Variants in TRIM35 observed in about 807,000 individuals in gnomAD.
The protein encoded by TRIM35 is tripartite motif containing 35, also known as E3 ubiquitin-protein ligase TRIM35.
TRIM35 carries 37 observed loss-of-function variants against 49.1 expected under a neutral mutation model. The observed-to-expected ratio is 0.75, with a 90% CI of 0.58 to 0.99. The LOEUF (loss-of-function observed/expected upper bound fraction) is 0.99, where lower values mean the gene tolerates loss of function less well. Among genes scored for constraint, TRIM35 ranks in the 50% least tolerant of loss-of-function variants. The probability of loss-of-function intolerance (pLI) is 0.00; values close to 1 mark genes in which losing one functional copy is unlikely to be tolerated. For missense variants in TRIM35, 648 were observed against 702.7 expected, an observed-to-expected ratio of 0.92 and a Z score of 0.88; for synonymous variants, 302 against 289.3, an observed-to-expected ratio of 1.04 and a Z score of -0.45.
At position 27,286,245 on chromosome 8, in the gene TRIM35, G is replaced by C; in HGVS notation, c.*1305C>G. On this transcript the variant is annotated 3_prime_UTR_variant, in exon 6 of 6. Transcript: ENST00000305364. ...CGAGAAAAAACAAGCCCAGGGAAAA[G>C]TCTGCAGGCATGGTGGAGGAAGAAA... The C allele has an allele frequency of 2.2e-6, 1 of 449,542 alleles. No homozygotes were observed. Among genetic ancestry groups the C allele is most frequent in the Non-Finnish European group, 4.5e-6 (1 of 223,058 alleles). The allele number at this position is 449,542 out of a possible 1,614,324, so 27.8% of individuals were successfully genotyped here.
intron 1 of TRIM35, among the ~76,000 whole-genome samples, chr8:27,299,634 G>T (rs996287210): frequency 6.6e-6 from 1 of 152,176 alleles, no homozygotes; most frequent in Non-Finnish European, 1.5e-5. Context: ...CCTGTGAGAT[G>T]AGAGTGTTTT....
chr8:27,296,731 C>T (rs903979976), intron 2 of TRIM35, among the ~76,000 whole-genome samples: 25 of 152,192 alleles, frequency 1.6e-4, no homozygotes, highest in Non-Finnish European at 3.2e-4. Context: ...CATGACTCCA[C>T]GATGACTACT....
At chr8:27,304,158 C>G (rs193161688) in intron 1 of TRIM35, among the ~76,000 whole-genome samples, 7 of 152,178 alleles carry the variant, frequency 4.6e-5, no homozygotes, top group Non-Finnish European at 7.4e-5. Context: ...TTTACAAAAT[C>G]ACGTTACCCA....
intron 1 of TRIM35, among the ~76,000 whole-genome samples, chr8:27,299,062 G>A (rs1432697949): frequency 6.6e-6 from 1 of 152,142 alleles, no homozygotes. Flanking sequence ...CCTCCCATGA[G>A]GCCTCACCTC....
rs1373335234 is a variant in TRIM35, at chr8:27,287,510, A to C, written c.*40T>G. 6.7e-7 allele frequency: 1 copy of C among 1,499,532 alleles called. No individual in the cohort carries two copies. The highest frequency in any genetic ancestry group is 2.3e-5 in the Admixed American group (1 of 44,256). The allele number at this position is 1,499,532 out of a possible 1,614,324, so 92.9% of individuals were successfully genotyped here. On this transcript the variant is annotated 3_prime_UTR_variant, in exon 6 of 6. Transcript: ENST00000305364. This position sits in a 1 kb window ranked among gnomAD's most constrained non-coding sequence, Gnocchi z 6.0. ...GCATTAGGAAGAGGGCAGAAAGAAA[A>C]CAGTGCTGTGGCACAAGACCGGGGC...
chr8:27,286,347 A>G lies in TRIM35; in HGVS notation c.*1203T>C. The G allele has an allele frequency of 2.8e-6, 1 of 361,284 alleles. No homozygotes were observed. Among genetic ancestry groups the G allele is most frequent in the Non-Finnish European group, 5.5e-6 (1 of 182,832 alleles). 22.4% of individuals were successfully genotyped at this position (361,284 alleles called of 1,614,324 possible). On this transcript the variant is annotated 3_prime_UTR_variant, in exon 6 of 6. Transcript: ENST00000305364. ...CAGAGACAAGAGGGCAGCGAGGCCC[A>G]GCCTCCTCTTCCCTCTCCCACAGCG...
Position 27,286,388 on chromosome 8 carries a change from A to G in TRIM35, c.*1162T>C, listed in dbSNP as rs1802319955. 1 of 331,524 alleles carries G rather than the reference A, an allele frequency of 3.0e-6. No individual in the cohort carries two copies. Among genetic ancestry groups the G allele is most frequent in the South Asian group, 2.4e-5 (1 of 41,736 alleles). 20.5% of individuals were successfully genotyped at this position (331,524 alleles called of 1,614,324 possible). A position where few individuals can be genotyped will look rare whatever the true frequency, so the allele number is the denominator to read the frequency against. On this transcript the variant is annotated 3_prime_UTR_variant, in exon 6 of 6. Coordinates refer to ENST00000305364, the MANE Select transcript of TRIM35 (RefSeq NM_171982.5). ...TCCCACAGCGTTTAGGGCCACGTCCATGGCGCCACCCCTCTCCTTTCTTCC... is the reference window on the plus strand; with the variant it reads ...TCCCACAGCGTTTAGGGCCACGTCCGTGGCGCCACCCCTCTCCTTTCTTCC...
At chr8:27,296,154 CTTT>C (rs563260897) in intron 2 of TRIM35, among the ~76,000 whole-genome samples, 10 of 129,396 alleles carry the variant, frequency 7.7e-5, no homozygotes, top group Admixed American at 7.8e-5. Flanking sequence ...GGGTGATTCT[CTTT>C]TTTTTTTTTT....
chr8:27,287,624 G>C lies in TRIM35; in HGVS notation c.1408C>G (p.Arg470Gly), dbSNP rs757138493. ...VRPYFYLGGA[R>G]GAGPPEPLRI... ...AAAGGCTCTGGAGGCCCGGCGCCCC[G>C]TGCACCCCCCAGGTAGAAGTAGGGG... is the stretch of plus-strand genomic sequence containing the variant. The change falls in exon 6 of 6, where the codon CGG becomes GGG. Residue 470 changes from arginine (R) to glycine (G), a missense_variant. Arg to Gly is a moderately radical substitution (Grantham distance 125). Transcript: ENST00000305364. The surrounding 1 kb of genome is among the most constrained non-coding windows in gnomAD (Gnocchi z 6.0). 4 of 1,607,684 alleles carry C rather than the reference G, an allele frequency of 2.5e-6. No homozygotes were observed. In the East Asian group the frequency reaches 8.9e-5, roughly 36 times the overall value.
chr8:27,311,260 C>T lies in TRIM35; in HGVS notation c.-25G>A, dbSNP rs1286482390. On this transcript the variant is annotated 5_prime_UTR_variant, in exon 1 of 6. Coordinates refer to ENST00000305364, the MANE Select transcript of TRIM35 (RefSeq NM_171982.5). The stretch of plus-strand genomic sequence containing the variant: ...TGGCACGAGCAGCCGGCTCGGGCGC[C>T]CGGAACTTTTGCTCCGGCCCCTCCC... 1 of 1,478,092 alleles carries T rather than the reference C, an allele frequency of 6.8e-7. No individual in the cohort carries two copies. Among genetic ancestry groups the T allele is most frequent in the Non-Finnish European group, 9.0e-7 (1 of 1,112,708 alleles). 91.6% of individuals were successfully genotyped at this position (1,478,092 alleles called of 1,614,324 possible). A position where few individuals can be genotyped will look rare whatever the true frequency, so the allele number is the denominator to read the frequency against.
chr8:27,290,148 C>T lies in TRIM35; in HGVS notation c.785+8G>A. On this transcript the variant is annotated splice_region_variant and intron_variant, in intron 4 of 5. Coordinates refer to ENST00000305364, the MANE Select transcript of TRIM35 (RefSeq NM_171982.5). Reference sequence around the variant, plus strand: ...TTCCCCTCCCCTCCACCAGCTTTGGCAACTTACCGGCGTTTTCGGCTCTTG... The same window carrying T: ...TTCCCCTCCCCTCCACCAGCTTTGGTAACTTACCGGCGTTTTCGGCTCTTG... 6.2e-7 allele frequency: 1 copy of T among 1,613,990 alleles called. No individual in the cohort carries two copies. The highest frequency in any genetic ancestry group is 1.1e-5 in the South Asian group (1 of 91,022).
Position 27,294,133 on chromosome 8 carries a change from CATGTG to C in TRIM35, c.704_708del (p.Ala235GlyfsTer71). ...ATCTCCATCTGCAGCCGCTCGATCTCATGTGCCAGCACCTCCGTCTCCTCTGTGAG... is the reference window on the plus strand; with the variant it reads ...ATCTCCATCTGCAGCCGCTCGATCTCCCAGCACCTCCGTCTCCTCTGTGAG... On this transcript the variant is annotated frameshift_variant, in exon 3 of 6. Transcript: ENST00000305364. LOFTEE classifies it high-confidence loss of function. 1 of 1,614,248 alleles carries C rather than the reference CATGTG, an allele frequency of 6.2e-7. No individual in the cohort carries two copies. The highest frequency in any genetic ancestry group is 8.5e-7 in the Non-Finnish European group (1 of 1,180,054).
At chr8:27,301,275 T>C (rs1230059600) in intron 1 of TRIM35, among the ~76,000 whole-genome samples, 1 of 152,222 alleles carries the variant, frequency 6.6e-6, no homozygotes, top group East Asian at 1.9e-4. Context: ...GTGAGTCCCA[T>C]TATACAGAGG....
Position 27,294,128 on chromosome 8 carries a change from G to A in TRIM35, c.714C>T (p.Ile238=), listed in dbSNP as rs144594991. The A allele has an allele frequency of 3.2e-4, 518 of 1,614,192 alleles. 1 individual carries two copies. In the African/African-American group the frequency reaches 5.9e-3, roughly 19 times the overall value. ...CCTTCATCTCCATCTGCAGCCGCTCGATCTCATGTGCCAGCACCTCCGTCT... is the reference window on the plus strand; with the variant it reads ...CCTTCATCTCCATCTGCAGCCGCTCAATCTCATGTGCCAGCACCTCCGTCT... ...TEETEVLAHE[I]ERLQMEMKED... Residue 238 remains isoleucine, a synonymous_variant, in exon 3 of 6, where the codon ATC becomes ATT. Transcript: ENST00000305364.
At position 27,302,975 on chromosome 8, in the gene TRIM35, T is replaced by C. The variant is rs183301417; in HGVS notation, c.436-4416A>G. Among the ~76,000 whole-genome samples the C allele has an allele frequency of 7.2e-5, 11 of 152,288 alleles. No individual in the cohort carries two copies. In the East Asian group the frequency reaches 1.7e-3, roughly 24 times the overall value. On this transcript the variant is annotated intron_variant, in intron 1 of 5. Transcript: ENST00000305364. ...CTATCCCACACAAAACTGAATAGAG[T>C]TGGTCATAATGCGCATTCCTGTCTT...
At chr8:27,296,572 T>C (rs1363250720) in intron 2 of TRIM35, among the ~76,000 whole-genome samples, 1 of 152,202 alleles carries the variant, frequency 6.6e-6, no homozygotes, top group Non-Finnish European at 1.5e-5. Context: ...AGCTCAGGAC[T>C]CCTACACTCC....
At position 27,287,703 on chromosome 8, in the gene TRIM35, G is replaced by A. The variant is rs140856872; in HGVS notation, c.1329C>T (p.Asp443=). The A allele has an allele frequency of 4.8e-5, 77 of 1,610,120 alleles. No homozygotes were observed. The highest frequency in any genetic ancestry group is 3.4e-4 in the East Asian group (15 of 44,720). ...ECEEGELSFY[D]AERHCHLYTF... ...TGTACAGGTGGCAGTGGCGCTCCGC[G>A]TCATAGAAAGACAGCTCGCCCTCCT... Residue 443 remains aspartate, a synonymous_variant, in exon 6 of 6, where the codon GAC becomes GAT. Transcript: ENST00000305364. The surrounding 1 kb of genome is among the most constrained non-coding windows in gnomAD (Gnocchi z 6.0).
Position 27,311,037 on chromosome 8 carries a change from C to T in TRIM35, c.199G>A (p.Ala67Thr). The T allele has an allele frequency of 6.2e-7, 1 of 1,602,070 alleles. No homozygotes were observed. Among genetic ancestry groups the T allele is most frequent in the South Asian group, 1.1e-5 (1 of 89,632 alleles). ...CPVCKDRASP[A>T]DLRTNHTLNN... ...AGGGTGTGGTTGGTGCGCAGGTCGG[C>T]GGGTGACGCGCGGTCTTTGCACACT... Residue 67 changes from alanine (A) to threonine (T), a missense_variant, in exon 1 of 6, where the codon GCC becomes ACC. Coordinates refer to ENST00000305364, the MANE Select transcript of TRIM35 (RefSeq NM_171982.5).
intron 2 of TRIM35, 69 bp downstream of exon 2, chr8:27,298,395 C>T: frequency 1.4e-6 from 2 of 1,474,894 alleles, no homozygotes; most frequent in Non-Finnish European, 1.9e-6. Context: ...ACGGCTGACA[C>T]ATCTTCACTC....
Sources: gnomAD v4.1 joint callset for allele counts (sites outside exome capture counted in the v4.1 genomes callset) on GRCh38, gnomAD v4.1.1 for gene constraint, Gnocchi (gnomAD v3.1) non-coding constraint, MANE v1.5 for transcripts, NCBI Gene and HGNC (gene_info 2026-07-23, HGNC 2026-07-21) for gene names.